The following FSTL4 variants were observed in gnomAD, a reference collection of about 807,000 sequenced individuals.
The protein encoded by FSTL4 is follistatin-related protein 4.
A neutral mutation model predicts 78.2 loss-of-function variants in FSTL4; 28 were observed. That is an observed-to-expected ratio of 0.36 (90% CI 0.27 to 0.49). The LOEUF (loss-of-function observed/expected upper bound fraction) is 0.49, where lower values mean the gene tolerates loss of function less well. Ranked by LOEUF, FSTL4 falls within the 20% of genes least tolerant of loss-of-function variation. The pLI is 0.98. For missense variants in FSTL4, 922 were observed against 1,084.9 expected (o/e 0.85, Z 2.11); for synonymous variants, 422 against 440.5 (o/e 0.96, Z 0.53).
chr5:133,209,980 CAG>C (rs1750650017), intron 14 of FSTL4: 1 of 463,748 alleles, frequency 2.2e-6, no homozygotes, highest in African/African-American at 1.9e-5. Context: ...GTTGTGATGT[CAG>C]AATCCTATTC....
chr5:133,512,457 G>A (rs2112889029), intron 3 of FSTL4, among the ~76,000 whole-genome samples: 1 of 152,336 alleles, frequency 6.6e-6, no homozygotes, highest in South Asian at 2.1e-4. Context: ...ACTGTCCAGT[G>A]AATTTTTCCA....
chr5:133,265,997 C>T (rs552106791), intron 6 of FSTL4, among the ~76,000 whole-genome samples: 2 of 152,328 alleles, frequency 1.3e-5, no homozygotes, highest in Non-Finnish European at 2.9e-5. Flanking sequence ...GGCAGCCCTA[C>T]AAGTCCTGGT....
intron 4 of FSTL4, among the ~76,000 whole-genome samples, chr5:133,350,911 G>A (rs778672811): frequency 6.6e-6 from 1 of 152,190 alleles, no homozygotes; most frequent in Non-Finnish European, 1.5e-5. Context: ...AAAAGAACAT[G>A]GTAGGAAGGC....
intron 3 of FSTL4, among the ~76,000 whole-genome samples, chr5:133,403,307 C>T (rs1225351744): frequency 6.6e-6 from 1 of 152,198 alleles, no homozygotes; most frequent in African/African-American, 2.4e-5. Context: ...GTGCCCTGGC[C>T]CCCATTGCTT....
At chr5:133,320,851 C>CA (rs1254479996) in intron 4 of FSTL4, among the ~76,000 whole-genome samples, 6 of 151,824 alleles carry the variant, frequency 4.0e-5, no homozygotes, top group Admixed American at 2.0e-4. Context: ...ACCAAAAATA[C>CA]AAAAAATTAG....
At chr5:133,570,026 G>A (rs956252360) in intron 2 of FSTL4, among the ~76,000 whole-genome samples, 25 of 151,838 alleles carry the variant, frequency 1.6e-4, no homozygotes, top group Non-Finnish European at 2.8e-4. Flanking sequence ...TGGCTAACAC[G>A]GTGAAACCCC....
intron 5 of FSTL4, among the ~76,000 whole-genome samples, chr5:133,314,898 C>T (rs939885871): frequency 6.6e-5 from 10 of 152,196 alleles, no homozygotes; most frequent in African/African-American, 2.4e-4. Flanking sequence ...CACAGTGGCT[C>T]ACACCTGTAA....
chr5:133,304,682 C>T (rs959065626), intron 6 of FSTL4, among the ~76,000 whole-genome samples: 1 of 152,194 alleles, frequency 6.6e-6, no homozygotes, highest in Admixed American at 6.5e-5. Flanking sequence ...CCGGTCCCAC[C>T]ATGCAGCTGT....
At chr5:133,693,678 C>T in the FSTL4 span, among the ~76,000 whole-genome samples, 1 of 152,186 alleles carries the variant, frequency 6.6e-6, no homozygotes, top group Non-Finnish European at 1.5e-5. Flanking sequence ...GAATACCTGA[C>T]ACTGGTTAAT....
chr5:133,433,257 T>C (rs1756975497), intron 3 of FSTL4, among the ~76,000 whole-genome samples: 1 of 152,178 alleles, frequency 6.6e-6, no homozygotes, highest in Non-Finnish European at 1.5e-5. Flanking sequence ...GTTTTTGAAG[T>C]AAGGGATACT....
At chr5:133,238,960 C>T (rs1375463217) in intron 7 of FSTL4, among the ~76,000 whole-genome samples, 1 of 152,224 alleles carries the variant, frequency 6.6e-6, no homozygotes, top group East Asian at 1.9e-4. Flanking sequence ...AAGGCGGGAA[C>T]TGGCTCCCTC....
Position 133,282,154 on chromosome 5 carries a change from G to A in FSTL4, c.727+30500C>T, listed in dbSNP as rs138089774. 6.6e-5 allele frequency among the ~76,000 whole-genome samples: 10 copies of A among 152,314 alleles called. No individual in the cohort carries two copies. In the East Asian group the frequency reaches 1.9e-3, roughly 29 times the overall value. ...TGTGGTGTCCTTAAGGCCTCTCTGA[G>A]CAGGGGACACTTGAACTGAGTCTTA... is the stretch of plus-strand genomic sequence containing the variant. On this transcript the variant is annotated intron_variant, in intron 6 of 15. Transcript: ENST00000265342.
chr5:133,321,031 C>G (rs1025087195), intron 4 of FSTL4, among the ~76,000 whole-genome samples: 6 of 122,352 alleles, frequency 4.9e-5, no homozygotes, highest in Non-Finnish European at 1.1e-4. Context: ...AAAAAAATTC[C>G]AATCATTTTG....
chr5:133,482,434 G>T (rs1335173202), intron 3 of FSTL4, among the ~76,000 whole-genome samples: 1 of 152,236 alleles, frequency 6.6e-6, no homozygotes, highest in Non-Finnish European at 1.5e-5. Flanking sequence ...CTGCCCAGAG[G>T]TTAGTCTGGG....
the FSTL4 span, among the ~76,000 whole-genome samples, chr5:133,728,693 G>A: frequency 8.6e-6 from 1 of 115,720 alleles, no homozygotes; most frequent in Non-Finnish European, 1.6e-5. Flanking sequence ...AACATGGTAT[G>A]AAGTGATTGG....
the FSTL4 span, among the ~76,000 whole-genome samples, chr5:133,755,058 A>C: frequency 2.6e-5 from 4 of 151,532 alleles, no homozygotes; most frequent in East Asian, 7.8e-4. Context: ...GCCAGACCTC[A>C]CCCTTCCTCA....
chr5:133,590,779 A>G (rs1760606756), intron 2 of FSTL4, among the ~76,000 whole-genome samples: 2 of 152,174 alleles, frequency 1.3e-5, no homozygotes, highest in South Asian at 4.1e-4. Flanking sequence ...GGTACTTTAT[A>G]ATGAACAGAA....
At position 133,612,449 on chromosome 5, in the gene FSTL4, G is replaced by C. The variant is rs1429960396; in HGVS notation, c.-135C>G. The C allele has an allele frequency of 1.3e-5, 2 of 151,944 alleles. No homozygotes were observed. Among genetic ancestry groups the C allele is most frequent in the Non-Finnish European group, 2.9e-5 (2 of 67,946 alleles). 9.4% of individuals were successfully genotyped at this position (151,944 alleles called of 1,614,324 possible). A position where few individuals can be genotyped will look rare whatever the true frequency, so the allele number is the denominator to read the frequency against. On this transcript the variant is annotated 5_prime_UTR_variant, in exon 1 of 16. Coordinates refer to ENST00000265342, the MANE Select transcript of FSTL4 (RefSeq NM_015082.2). The surrounding 1 kb of genome is among the most constrained non-coding windows in gnomAD (Gnocchi z 6.2). ...CGGCTGGTTTCTCGGGCTGTCGGCG[G>C]GTCCCGGGCTCGCTGGAGGCTGTTG...
upstream of FSTL4, among the ~76,000 whole-genome samples, chr5:133,617,288 G>C (rs535979114): frequency 3.5e-4 from 41 of 117,970 alleles, no homozygotes; most frequent in Non-Finnish European, 5.9e-4. Flanking sequence ...AATAGAGCGA[G>C]ACTCCATCTC....
Sources: gnomAD v4.1 joint callset for allele counts (sites outside exome capture counted in the v4.1 genomes callset) on GRCh38, gnomAD v4.1.1 for gene constraint, Gnocchi (gnomAD v3.1) non-coding constraint, MANE v1.5 for transcripts, NCBI Gene and HGNC (gene_info 2026-07-23, HGNC 2026-07-21) for gene names.